The following PRC1 variants were observed in gnomAD, a reference collection of about 807,000 sequenced individuals.
The protein encoded by PRC1 is anaphase spindle elongation 1 homolog.
Under a neutral mutation model 91.2 loss-of-function variants are expected in PRC1, and 54 were observed. The observed-to-expected ratio is 0.59, with a 90% CI of 0.48 to 0.74. The LOEUF is 0.74. Among genes scored for constraint, PRC1 ranks in the 30% least tolerant of loss-of-function variants. The probability of loss-of-function intolerance (pLI) is 0.00; values close to 1 mark genes in which losing one functional copy is unlikely to be tolerated. For missense variants in PRC1, 727 were observed against 746.2 expected, an observed-to-expected ratio of 0.97 and a Z score of 0.30; for synonymous variants, 275 against 263.6, an observed-to-expected ratio of 1.04 and a Z score of -0.42.
In PRC1 at chr15:90,984,577, A is replaced by G. The variant is rs1165816471; in HGVS notation, c.144+116T>C. 3.5e-6 allele frequency: 5 copies of G among 1,441,366 alleles called. No homozygotes were observed. The highest frequency in any genetic ancestry group is 2.8e-6 in the Non-Finnish European group (3 of 1,068,356). The allele number at this position is 1,441,366 out of a possible 1,614,324, so 89.3% of individuals were successfully genotyped here. ...TCAAAACCAAACCAAACCAAACAGGAAGAGCCTGTGCTATCCTAATGCCGA... is the reference window on the plus strand; with the variant it reads ...TCAAAACCAAACCAAACCAAACAGGGAGAGCCTGTGCTATCCTAATGCCGA... On this transcript the variant is annotated intron_variant, in intron 2 of 14. Coordinates refer to ENST00000394249, the MANE Select transcript of PRC1 (RefSeq NM_003981.4). This position sits in a 1 kb window ranked among gnomAD's most constrained non-coding sequence, Gnocchi z 5.1.
intron 1 of PRC1, chr15:90,988,587 C>G (rs1381567599): frequency 6.6e-6 from 1 of 152,268 alleles, no homozygotes; most frequent in East Asian, 1.9e-4. Context: ...CCGGGCATTT[C>G]CTGAACAATG....
chr15:90,980,796 G>A, intron 6 of PRC1, 88 bp downstream of exon 6: 1 of 1,564,376 alleles, frequency 6.4e-7, no homozygotes, highest in East Asian at 2.2e-5. Context: ...ATGAACCACT[G>A]AGCCTGGCCA....
At chr15:90,968,573 C>G (rs2037750357) in intron 14 of PRC1, 1 of 990,310 alleles carries the variant, frequency 1.0e-6, no homozygotes, top group Non-Finnish European at 1.2e-6. Flanking sequence ...AGTGCTTCAT[C>G]TATGCTTCAG....
In PRC1 at chr15:90,976,152, G is replaced by A. The variant is rs145942578; in HGVS notation, c.1203+524C>T. ...TGCCCAGGCTGGAGTGCAGTGGCGC[G>A]GTCTTGGCTCACTGCAACCTCTGCC... On this transcript the variant is annotated intron_variant, in intron 9 of 14. Coordinates refer to ENST00000394249, the MANE Select transcript of PRC1 (RefSeq NM_003981.4). Among the ~76,000 whole-genome samples, 1,324 of 152,122 alleles carry A rather than the reference G, an allele frequency of 8.7e-3. 13 individuals are homozygous for A. The highest frequency in any genetic ancestry group is 0.011 in the Non-Finnish European group (715 of 67,974).
chr15:90,991,217 A>C (rs1206757090), intron 1 of PRC1, among the ~76,000 whole-genome samples: 1 of 150,968 alleles, frequency 6.6e-6, no homozygotes, highest in Non-Finnish European at 1.5e-5. Context: ...GGAGCTCGAG[A>C]CCAGCCTGGC....
intron 8 of PRC1, among the ~76,000 whole-genome samples, chr15:90,978,532 A>T (rs1486739671): frequency 6.6e-6 from 1 of 152,094 alleles, no homozygotes; most frequent in Non-Finnish European, 1.5e-5. Flanking sequence ...TGGGCAGATC[A>T]GCTGAAGTCA....
chr15:90,974,823 C>G lies in PRC1; in HGVS notation c.1204-92G>C. 1 of 1,460,660 alleles carries G rather than the reference C, an allele frequency of 6.8e-7. No individual in the cohort carries two copies. Among genetic ancestry groups the G allele is most frequent in the Non-Finnish European group, 9.5e-7 (1 of 1,055,836 alleles). The allele number at this position is 1,460,660 out of a possible 1,614,324, so 90.5% of individuals were successfully genotyped here. On this transcript the variant is annotated intron_variant, in intron 9 of 14. Coordinates refer to ENST00000394249, the MANE Select transcript of PRC1 (RefSeq NM_003981.4). This position sits in a 1 kb window ranked among gnomAD's most constrained non-coding sequence, Gnocchi z 4.6. The stretch of plus-strand genomic sequence containing the variant: ...TTCCCTAGAGAGTGACTCCTCCTCC[C>G]CAGAGCATCATTAGCCTCATTTCAG...
chr15:90,977,776 C>T lies in PRC1; in HGVS notation c.1108-1005G>A, dbSNP rs770800334. ...TTTTTTTGTATTTTTTTAGTAGAGA[C>T]GGGGTTTCACTGTGTTAGCCAAGAT... On this transcript the variant is annotated intron_variant, in intron 8 of 14. Transcript: ENST00000394249. Among the ~76,000 whole-genome samples the T allele has an allele frequency of 9.2e-5, 14 of 151,680 alleles. No homozygotes were observed. The East Asian group carries it at 1.4e-3, about 15-fold the overall frequency.
rs1055070731 is a variant in PRC1, at chr15:90,966,354, T to A, written c.*777A>T. 2.2e-5 allele frequency: 7 copies of A among 317,618 alleles called. No homozygotes were observed. The highest frequency in any genetic ancestry group is 4.4e-5 in the Non-Finnish European group (7 of 158,164). The allele number at this position is 317,618 out of a possible 1,614,324, so 19.7% of individuals were successfully genotyped here. ...TCCAGATCTCCACGACAAAGACAGC[T>A]CAACCCATTGGAACAAACAGACTCC... On this transcript the variant is annotated 3_prime_UTR_variant, in exon 15 of 15. Transcript: ENST00000394249.
At chr15:90,969,954 AC>A (rs2037957466) in intron 12 of PRC1, among the ~76,000 whole-genome samples, 1 of 152,090 alleles carries the variant, frequency 6.6e-6, no homozygotes, top group Non-Finnish European at 1.5e-5. Flanking sequence ...TTCTTGATTT[AC>A]AGAACACCTA....
intron 1 of PRC1, among the ~76,000 whole-genome samples, chr15:90,990,369 T>TA (rs1367325128): frequency 3.6e-5 from 5 of 140,182 alleles, no homozygotes; most frequent in East Asian, 4.2e-4. Flanking sequence ...AAAAATAAAA[T>TA]AAATAAATAA....
chr15:90,968,416 C>G (rs2037731190), intron 14 of PRC1: 1 of 985,758 alleles, frequency 1.0e-6, no homozygotes, highest in Non-Finnish European at 1.2e-6. Context: ...TCAATATCCC[C>G]TCAAGGGTGA....
At chr15:90,979,915 A>G (rs1196564323) in intron 7 of PRC1, among the ~76,000 whole-genome samples, 1 of 152,256 alleles carries the variant, frequency 6.6e-6, no homozygotes, top group Non-Finnish European at 1.5e-5. Flanking sequence ...CTACAGTGAC[A>G]TATTGCTTCA....
chr15:90,985,587 C>G (rs1162173356), intron 1 of PRC1, among the ~76,000 whole-genome samples: 4 of 146,110 alleles, frequency 2.7e-5, no homozygotes, highest in African/African-American at 1.0e-4. Flanking sequence ...GAGACAGAGT[C>G]TCGCTCCGTT....
chr15:90,980,271 T>G lies in PRC1; in HGVS notation c.941A>C (p.Gln314Pro), dbSNP rs1418858998. 1.9e-6 allele frequency: 3 copies of G among 1,612,980 alleles called. No homozygotes were observed. Among genetic ancestry groups the G allele is most frequent in the Non-Finnish European group, 2.5e-6 (3 of 1,179,790 alleles). ...ACAGAAAGGGGCAAAAGCTTGTCTC[T>G]GCTCCTGGCTATAAAAGCACTGGTC... ...YWDQCFYSQE[Q>P]RQAFAPFCAE... The change falls in exon 7 of 15, where the codon CAG becomes CCG. Residue 314 changes from glutamine to proline, a missense_variant. By Grantham distance (76) the Gln-to-Pro change is moderately conservative. Coordinates refer to ENST00000394249, the MANE Select transcript of PRC1 (RefSeq NM_003981.4).
At chr15:90,983,126 A>C (rs1403030841) in intron 3 of PRC1, among the ~76,000 whole-genome samples, 2 of 152,190 alleles carry the variant, frequency 1.3e-5, no homozygotes, top group Non-Finnish European at 2.9e-5. Flanking sequence ...AATTATATTT[A>C]TGACATTTAT....
Position 90,974,778 on chromosome 15 carries a change from C to T in PRC1, c.1204-47G>A, listed in dbSNP as rs1472664579. The T allele has an allele frequency of 6.2e-7, 1 of 1,602,646 alleles. No homozygotes were observed. Among genetic ancestry groups the T allele is most frequent in the Non-Finnish European group, 8.5e-7 (1 of 1,170,648 alleles). ...TGTTAATTACTTCAACTCTTTAGTG[C>T]AAAGCCCAAATGAAATGATTTCCCT... On this transcript the variant is annotated intron_variant, in intron 9 of 14. Coordinates refer to ENST00000394249, the MANE Select transcript of PRC1 (RefSeq NM_003981.4). This position sits in a 1 kb window ranked among gnomAD's most constrained non-coding sequence, Gnocchi z 4.6.
chr15:90,969,028 C>A, intron 14 of PRC1, 51 bp downstream of exon 14: 1 of 1,613,488 alleles, frequency 6.2e-7, no homozygotes, highest in Non-Finnish European at 8.5e-7. Context: ...ATGAAGCCAG[C>A]AGATGACAGA....
intron 1 of PRC1, among the ~76,000 whole-genome samples, chr15:90,986,972 G>T (rs895187528): frequency 5.9e-5 from 9 of 151,824 alleles, no homozygotes; most frequent in African/African-American, 1.9e-4. Context: ...TTGACAGAGA[G>T]TTCAAAAACA....
Sources: allele counts gnomAD v4.1 joint callset (sites outside exome capture counted in the v4.1 genomes callset), GRCh38; gene constraint gnomAD v4.1.1; non-coding constraint Gnocchi (gnomAD v3.1); transcripts MANE v1.5; gene names NCBI Gene and HGNC (gene_info 2026-07-23, HGNC 2026-07-21).